SLC10A6: variants seen among roughly 807,000 people sequenced by gnomAD.
The protein encoded by SLC10A6 is solute carrier family 10 member 6, also known as sodium-dependent organic anion transporter.
A neutral mutation model predicts 30.0 loss-of-function variants in SLC10A6; 27 were observed. The observed-to-expected ratio is 0.90, with a 90% CI of 0.66 to 1.24. SLC10A6 has a LOEUF of 1.24. Ranked by LOEUF, SLC10A6 falls within the 50% of genes most tolerant of loss-of-function variation. SLC10A6 has a pLI of 0.00. For missense variants in SLC10A6, 439 were observed against 457.0 expected (o/e 0.96, Z 0.36); for synonymous variants, 166 against 173.8 (o/e 0.95, Z 0.36).
chr4:86,836,068 C>T (rs1272079034), intron 1 of SLC10A6, among the ~76,000 whole-genome samples: 1 of 152,148 alleles, frequency 6.6e-6, no homozygotes, highest in Non-Finnish European at 1.5e-5. Context: ...AAACCAAAAC[C>T]AACAGCCATG....
chr4:86,843,120 C>T (rs1167724368), intron 1 of SLC10A6, among the ~76,000 whole-genome samples: 1 of 152,106 alleles, frequency 6.6e-6, no homozygotes, highest in Non-Finnish European at 1.5e-5. Flanking sequence ...ATCTGCCCAT[C>T]TCAGCCTCCC....
At chr4:86,843,347 G>T (rs1454433100) in intron 1 of SLC10A6, among the ~76,000 whole-genome samples, 1 of 152,144 alleles carries the variant, frequency 6.6e-6, no homozygotes, top group African/African-American at 2.4e-5. Context: ...AAGTAGCCCA[G>T]CTATTGCAAT....
intron 1 of SLC10A6, chr4:86,837,648 G>T: frequency 1.0e-6 from 1 of 985,142 alleles, no homozygotes; most frequent in African/African-American, 1.7e-5. Flanking sequence ...AGTTAAGGCT[G>T]TATTTTGTAC....
At chr4:86,837,552 T>G in intron 1 of SLC10A6, 1 of 973,364 alleles carries the variant, frequency 1.0e-6, no homozygotes, top group Non-Finnish European at 1.2e-6. Context: ...GGATGAGAAC[T>G]GAAGAAATAT....
chr4:86,832,219 T>G (rs1235037031), intron 2 of SLC10A6, among the ~76,000 whole-genome samples: 2 of 152,152 alleles, frequency 1.3e-5, no homozygotes, highest in African/African-American at 2.4e-5. Flanking sequence ...TGTGAGGAAG[T>G]GGGTTCATTC....
chr4:86,834,471 C>T (rs1241041310), intron 1 of SLC10A6, among the ~76,000 whole-genome samples: 2 of 152,132 alleles, frequency 1.3e-5, no homozygotes, highest in African/African-American at 4.8e-5. Flanking sequence ...CTTTTTATGT[C>T]CTTATTCTAT....
At chr4:86,847,450 AT>A (rs1218780513) in intron 1 of SLC10A6, among the ~76,000 whole-genome samples, 2 of 152,256 alleles carry the variant, frequency 1.3e-5, no homozygotes, top group Admixed American at 1.3e-4. Context: ...AGCAATGTAT[AT>A]TAATGGCTTT....
intron 1 of SLC10A6, among the ~76,000 whole-genome samples, chr4:86,835,255 A>C (rs1746160690): frequency 6.6e-6 from 1 of 152,236 alleles, no homozygotes; most frequent in Non-Finnish European, 1.5e-5. Context: ...CTGCAGACAG[A>C]GCAAGTTGGT....
Position 86,828,109 on chromosome 4 carries a change from C to T in SLC10A6, c.645G>A (p.Leu215=), listed in dbSNP as rs1198298997. The change falls in exon 4 of 6, where the codon CTG becomes CTA. Residue 215 remains leucine, a synonymous_variant. Coordinates refer to ENST00000273905, the MANE Select transcript of SLC10A6 (RefSeq NM_197965.3). ...LLVVAVAGVV[L]AKGSWNSDIT... Reference sequence around the variant, plus strand: ...TGTCTGAATTCCAAGATCCTTTCGCCAGGACCACACCAGCAACTGCGACCA... The same window carrying T: ...TGTCTGAATTCCAAGATCCTTTCGCTAGGACCACACCAGCAACTGCGACCA... 1 of 1,613,742 alleles carries T rather than the reference C, an allele frequency of 6.2e-7. No individual in the cohort carries two copies.
chr4:86,828,995 C>T (rs1434866605), intron 3 of SLC10A6, among the ~76,000 whole-genome samples: 3 of 152,114 alleles, frequency 2.0e-5, no homozygotes, highest in Non-Finnish European at 1.5e-5. Flanking sequence ...TCGTAGGAAA[C>T]TAGAGAAGAC....
intron 1 of SLC10A6, among the ~76,000 whole-genome samples, chr4:86,845,957 A>G (rs1410785483): frequency 5.9e-5 from 9 of 152,254 alleles, no homozygotes; most frequent in Non-Finnish European, 1.3e-4. Context: ...CACTGCATGA[A>G]GCAGGAGTGA....
At chr4:86,832,930 A>C (rs1746108630) in intron 2 of SLC10A6, among the ~76,000 whole-genome samples, 1 of 152,186 alleles carries the variant, frequency 6.6e-6, no homozygotes, top group Non-Finnish European at 1.5e-5. Flanking sequence ...GAGTATAAAG[A>C]GTCCAATTGC....
intron 1 of SLC10A6, among the ~76,000 whole-genome samples, chr4:86,846,853 G>A (rs867132159): frequency 2.0e-5 from 3 of 152,118 alleles, no homozygotes; most frequent in Non-Finnish European, 4.4e-5. Flanking sequence ...GGCTTAGATA[G>A]GTTAAATAAT....
chr4:86,830,645 A>G (rs1358604956), intron 3 of SLC10A6, among the ~76,000 whole-genome samples: 3 of 152,270 alleles, frequency 2.0e-5, no homozygotes, highest in African/African-American at 4.8e-5. Flanking sequence ...GGCCTTGTGC[A>G]TAACTGGGAA....
intron 4 of SLC10A6, 143 bp downstream of exon 4, chr4:86,827,850 C>A: frequency 1.6e-6 from 1 of 613,236 alleles, no homozygotes; most frequent in Non-Finnish European, 2.5e-6. Context: ...CATGAATGAC[C>A]CTCTTTTATG....
rs1419779559 is a variant in SLC10A6 at position 86,831,867 on chromosome 4, C to T, written c.510G>A (p.Val170=). Residue 170 remains valine (V), a synonymous_variant, in exon 3 of 6, where the codon GTG becomes GTA. Transcript: ENST00000273905. ...IPYQNIGITL[V]CLTIPVAFGV... ...CAAAGGCCACAGGAATGGTCAGGCACACAAGGGTAATTCCTAAAGAGAAGA... is the reference window on the plus strand; with the variant it reads ...CAAAGGCCACAGGAATGGTCAGGCATACAAGGGTAATTCCTAAAGAGAAGA... 1 of 1,612,906 alleles carries T rather than the reference C, an allele frequency of 6.2e-7. No homozygotes were observed. Among genetic ancestry groups the T allele is most frequent in the African/African-American group, 1.3e-5 (1 of 74,888 alleles).
chr4:86,829,085 A>G (rs1746040360), intron 3 of SLC10A6, among the ~76,000 whole-genome samples: 1 of 152,152 alleles, frequency 6.6e-6, no homozygotes, highest in East Asian at 1.9e-4. Context: ...GAGACAGACT[A>G]GACCCCTGCC....
chr4:86,831,156 A>T (rs956972571), intron 3 of SLC10A6, among the ~76,000 whole-genome samples: 1 of 152,322 alleles, frequency 6.6e-6, no homozygotes, highest in East Asian at 1.9e-4. Flanking sequence ...TATTTTTAAA[A>T]GCCATTTAAC....
chr4:86,844,976 C>T (rs1407876304), intron 1 of SLC10A6, among the ~76,000 whole-genome samples: 1 of 152,140 alleles, frequency 6.6e-6, no homozygotes, highest in Admixed American at 6.5e-5. Context: ...TGATCACTTC[C>T]CTCCCTTGAC....
Sources: gnomAD v4.1 joint callset for allele counts (sites outside exome capture counted in the v4.1 genomes callset) on GRCh38, gnomAD v4.1.1 for gene constraint, MANE v1.5 for transcripts, NCBI Gene and HGNC (gene_info 2026-07-23, HGNC 2026-07-21) for gene names.